Variants in LOXHD1 observed in about 807,000 individuals in gnomAD.
The protein encoded by LOXHD1 is lipoxygenase homology PLAT domains 1, also known as lipoxygenase homology domain-containing protein 1.
Under a neutral mutation model 248.2 loss-of-function variants are expected in LOXHD1, and 205 were observed. The observed-to-expected ratio is 0.83, with a 90% CI of 0.74 to 0.93. LOXHD1 has a LOEUF of 0.93. LOXHD1 is among the 40% of genes least tolerant of loss of function. LOXHD1 has a pLI of 0.00. For synonymous variants in LOXHD1, 1,113 were observed against 1,162.8 expected (o/e 0.96, Z 0.87); for missense variants, 2,930 against 2,971.6 (o/e 0.99, Z 0.33).
At chr18:46,597,553 C>CACAT (rs1164828688) in intron 8 of LOXHD1, among the ~76,000 whole-genome samples, 1 of 151,182 alleles carries the variant, frequency 6.6e-6, no homozygotes, top group Non-Finnish European at 1.5e-5. Flanking sequence ...CGCACACACA[C>CACAT]ACACACACAC....
chr18:46,529,443 A>C, intron 28 of LOXHD1, 112 bp from the exon 29 acceptor site: 1 of 1,268,464 alleles, frequency 7.9e-7, no homozygotes, highest in Middle Eastern at 1.9e-4. Context: ...CCTAGGCCTC[A>C]AGGGGTTAAT....
At chr18:46,602,649 A>T (rs2038356688) in intron 7 of LOXHD1, among the ~76,000 whole-genome samples, 3 of 152,158 alleles carry the variant, frequency 2.0e-5, no homozygotes, top group South Asian at 2.1e-4. Context: ...TCTTTGAGTG[A>T]TAATACATGC....
chr18:46,486,705 G>A (rs1007793436), intron 38 of LOXHD1, among the ~76,000 whole-genome samples: 4 of 152,138 alleles, frequency 2.6e-5, no homozygotes, highest in Middle Eastern at 3.2e-3. Flanking sequence ...AGGGAGGCAC[G>A]GAGCACTGGG....
At chr18:46,637,524 G>T (rs183237409) in intron 4 of LOXHD1, among the ~76,000 whole-genome samples, 15 of 152,272 alleles carry the variant, frequency 9.9e-5, no homozygotes, top group African/African-American at 3.6e-4. Context: ...AAGAATTAAA[G>T]ATGCTTAATG....
chr18:46,596,285 C>T (rs1347939028), intron 8 of LOXHD1, among the ~76,000 whole-genome samples: 2 of 152,122 alleles, frequency 1.3e-5, no homozygotes, highest in Non-Finnish European at 2.9e-5. Context: ...ACATAAACCA[C>T]AGGAAGTATC....
chr18:46,619,839 C>T (rs1358344779), intron 4 of LOXHD1, among the ~76,000 whole-genome samples: 1 of 152,180 alleles, frequency 6.6e-6, no homozygotes, highest in Non-Finnish European at 1.5e-5. Flanking sequence ...TTGAGGAAAC[C>T]CATCAATGGG....
chr18:46,521,377 A>T lies in LOXHD1; in HGVS notation c.5086-95T>A, dbSNP rs1489944465. 3 of 1,398,294 alleles carry T rather than the reference A, an allele frequency of 2.1e-6. No individual in the cohort carries two copies. The East Asian group carries it at 7.5e-5, about 35-fold the overall frequency. The allele number at this position is 1,398,294 out of a possible 1,614,324, so 86.6% of individuals were successfully genotyped here. On this transcript the variant is annotated intron_variant, in intron 32 of 40. Coordinates refer to ENST00000642948, the MANE Select transcript of LOXHD1 (RefSeq NM_001384474.1). Reference sequence around the variant, plus strand: ...CCCTCCCTCAGTGCTTCTTCCCAGTATGCTGTGCACTTGCTGGCCCAGGTC... The same window carrying T: ...CCCTCCCTCAGTGCTTCTTCCCAGTTTGCTGTGCACTTGCTGGCCCAGGTC...
chr18:46,595,338 A>G (rs569974358), intron 8 of LOXHD1, among the ~76,000 whole-genome samples: 2 of 152,254 alleles, frequency 1.3e-5, no homozygotes, highest in African/African-American at 2.4e-5. Flanking sequence ...GGGAGTATGT[A>G]CCCCTTCAAA....
At chr18:46,544,307 C>T (rs754776586) in intron 23 of LOXHD1, among the ~76,000 whole-genome samples, 4 of 152,202 alleles carry the variant, frequency 2.6e-5, no homozygotes, top group East Asian at 1.9e-4. Context: ...GTCCCTTCCT[C>T]GTAGGGCTGT....
downstream of LOXHD1, chr18:46,477,042 G>A (rs1398868711): frequency 7.7e-6 from 5 of 647,160 alleles, no homozygotes; most frequent in Non-Finnish European, 1.4e-5. Context: ...GCTAAGATGA[G>A]TTCTTTATAG....
chr18:46,644,333 G>A (rs925454801), intron 2 of LOXHD1, among the ~76,000 whole-genome samples: 13 of 152,156 alleles, frequency 8.5e-5, no homozygotes, highest in South Asian at 2.1e-4. Context: ...GGCTTTCTGG[G>A]GTGCTTCTGA....
intron 17 of LOXHD1, among the ~76,000 whole-genome samples, chr18:46,565,384 C>T (rs545946479): frequency 6.6e-6 from 1 of 152,198 alleles, no homozygotes; most frequent in African/African-American, 2.4e-5. Context: ...ATTGCTAACC[C>T]TTTATCCTGT....
Position 46,579,630 on chromosome 18 carries a change from A to G in LOXHD1, c.1809T>C (p.Asn603=), listed in dbSNP as rs1302856439. The G allele has an allele frequency of 6.4e-7, 1 of 1,551,670 alleles. No individual in the cohort carries two copies. The highest frequency in any genetic ancestry group is 1.2e-5 in the South Asian group (1 of 84,050). The part of the protein sequence containing the change: ...RNNTDLFEKG[N]ADEFTIESVT... The stretch of plus-strand genomic sequence containing the variant: ...AGTGGGGCACATTGCTGTAACTTAC[A>G]TTGCCCTTTTCAAACAGGTCTGTGT... Residue 603 remains asparagine (N), a splice_region_variant and synonymous_variant, in exon 13 of 41, where the codon AAT becomes AAC. Transcript: ENST00000642948.
Position 46,529,319 on chromosome 18 carries a change from G to C in LOXHD1, c.4388C>G (p.Ser1463Trp), listed in dbSNP as rs761031932. The C allele has an allele frequency of 6.5e-7, 1 of 1,547,570 alleles. No individual in the cohort carries two copies. The highest frequency in any genetic ancestry group is 8.7e-7 in the Non-Finnish European group (1 of 1,143,996). ...VEEPLDIVLY[S>W]VQIFTGNIPG... is the part of the protein sequence containing the mutation. ...AATGTTCCCTGTGAAGATCTGCACC[G>C]AGTACAGCACAACTGGGCAGGTGGT... is the stretch of plus-strand genomic sequence containing the variant. The change falls in exon 29 of 41, where the codon TCG becomes TGG. Residue 1463 changes from serine to tryptophan, a missense_variant. Ser to Trp is a radical substitution (Grantham distance 177). Transcript: ENST00000642948.
At chr18:46,509,306 C>T (rs2034797890) in intron 35 of LOXHD1, among the ~76,000 whole-genome samples, 1 of 152,080 alleles carries the variant, frequency 6.6e-6, no homozygotes, top group South Asian at 2.1e-4. Flanking sequence ...CACAGAGGCC[C>T]CAGTAAGCTT....
At chr18:46,558,056 C>T (rs1421645875) in intron 20 of LOXHD1, 1 of 986,486 alleles carries the variant, frequency 1.0e-6, no homozygotes, top group African/African-American at 1.7e-5. Flanking sequence ...CACCAGGAAC[C>T]TATAAGTAAA....
chr18:46,646,914 C>T (rs1466179472), intron 2 of LOXHD1, among the ~76,000 whole-genome samples: 1 of 152,192 alleles, frequency 6.6e-6, no homozygotes, highest in Non-Finnish European at 1.5e-5. Context: ...AGGCCATCCT[C>T]CAGCTCCCTC....
At chr18:46,596,359 A>G (rs561836729) in intron 8 of LOXHD1, among the ~76,000 whole-genome samples, 1 of 152,308 alleles carries the variant, frequency 6.6e-6, no homozygotes, top group South Asian at 2.1e-4. Context: ...AGCAAAATTC[A>G]GAGTAAGCAG....
intron 36 of LOXHD1, among the ~76,000 whole-genome samples, chr18:46,506,656 CA>C (rs2034593790): frequency 6.6e-6 from 1 of 152,144 alleles, no homozygotes; most frequent in Admixed American, 6.5e-5. Flanking sequence ...GTAAAAGTTC[CA>C]TTGTGAGAAT....
Sources: gnomAD v4.1 joint callset for allele counts (sites outside exome capture counted in the v4.1 genomes callset) on GRCh38, gnomAD v4.1.1 for gene constraint, MANE v1.5 for transcripts, NCBI Gene and HGNC (gene_info 2026-07-23, HGNC 2026-07-21) for gene names.